ARSL: variants seen among roughly 807,000 people sequenced by gnomAD.
ARSL encodes the protein arylsulfatase E (chondrodysplasia punctata 1).
ARSL carries 4 observed loss-of-function variants against 31.1 expected under a neutral mutation model. The observed-to-expected ratio is 0.13, with a 90% CI of 0.06 to 0.29. The LOEUF (loss-of-function observed/expected upper bound fraction) is 0.29, where lower values mean the gene tolerates loss of function less well. ARSL is among the 10% of genes least tolerant of loss of function. ARSL has a pLI of 1.00. For missense variants in ARSL, 312 were observed against 497.8 expected, an observed-to-expected ratio of 0.63 and a Z score of 3.55; for synonymous variants, 198 against 209.9, an observed-to-expected ratio of 0.94 and a Z score of 0.49.
Position 2,938,307 on chromosome X carries a change from G to A in ARSL, c.1127-50C>T, listed in dbSNP as rs1170393074. 4.2e-6 allele frequency: 5 copies of A among 1,184,592 alleles called. No individual in the cohort carries two copies. In the East Asian group the frequency reaches 1.2e-4, roughly 29 times the overall value. ...AAGTGGTTAAAAACCAGAAATAGAT[G>A]CTCAGCCTGGCTGATTTAACTTTTC... is the stretch of plus-strand genomic sequence containing the variant. On this transcript the variant is annotated intron_variant, in intron 8 of 10. Coordinates refer to ENST00000381134, the MANE Select transcript of ARSL (RefSeq NM_000047.3).
intron 2 of ARSL, 151 bp from the exon 3 acceptor site, chrX:2,958,586 C>T: frequency 1.4e-6 from 1 of 737,731 alleles, no homozygotes; most frequent in Non-Finnish European, 2.0e-6. Context: ...TTGTTTTTCT[C>T]TGGTTACAAT....
chrX:2,950,827 A>C (rs2089451180), intron 5 of ARSL, among the ~76,000 whole-genome samples: 1 of 111,370 alleles, frequency 9.0e-6, no homozygotes, highest in Non-Finnish European at 1.9e-5. Context: ...AGAAGAGGAT[A>C]GTAGGACACA....
chrX:2,961,780 G>A (rs1253839786), intron 1 of ARSL, among the ~76,000 whole-genome samples: 4 of 109,917 alleles, frequency 3.6e-5, no homozygotes, highest in South Asian at 3.9e-4. Flanking sequence ...AAGGGCAGCC[G>A]CTACAAGACT....
chrX:2,959,394 G>T (rs1294320447), intron 2 of ARSL, among the ~76,000 whole-genome samples: 1 of 111,658 alleles, frequency 9.0e-6, no homozygotes, highest in Non-Finnish European at 1.9e-5. Flanking sequence ...TTTCCGCAGG[G>T]GTTGGTGACA....
chrX:2,948,825 G>A (rs757293406), intron 6 of ARSL, among the ~76,000 whole-genome samples: 5 of 111,368 alleles, frequency 4.5e-5, no homozygotes. Flanking sequence ...CACAAGGCAA[G>A]TCACAGGGCT....
intron 7 of ARSL, among the ~76,000 whole-genome samples, chrX:2,944,948 A>G (rs1408542909): frequency 9.1e-6 from 1 of 110,235 alleles, no homozygotes; most frequent in Non-Finnish European, 1.9e-5. Flanking sequence ...GAAGAAGAGG[A>G]AGAAGTGGAA....
chrX:2,949,812 ACT>A (rs2089438666), intron 5 of ARSL, 85 bp from the exon 6 acceptor site: 1 of 1,011,076 alleles, frequency 9.9e-7, no homozygotes, highest in Non-Finnish European at 1.4e-6. Context: ...CATTCCTGAT[ACT>A]CTGTTAGACA....
intron 1 of ARSL, among the ~76,000 whole-genome samples, chrX:2,962,287 A>G (rs773322710): frequency 1.8e-5 from 2 of 111,970 alleles, no homozygotes; most frequent in Non-Finnish European, 3.8e-5. Context: ...CAAATATTCT[A>G]CAGAGTTCGC....
chrX:2,961,035 C>A (rs2089624917), intron 1 of ARSL, among the ~76,000 whole-genome samples: 2 of 111,265 alleles, frequency 1.8e-5, no homozygotes, highest in South Asian at 7.6e-4. Flanking sequence ...GAAAACAGAA[C>A]TGGGAGTGTC....
At chrX:2,947,314 T>C (rs752653627) in intron 6 of ARSL, among the ~76,000 whole-genome samples, 23 of 112,929 alleles carry the variant, frequency 2.0e-4, no homozygotes, top group African/African-American at 6.4e-4. Context: ...ACATGACTTT[T>C]ATTTTGTTCA....
chrX:2,958,563 C>G, intron 2 of ARSL, 128 bp from the exon 3 acceptor site: 1 of 776,345 alleles, frequency 1.3e-6, no homozygotes, highest in Non-Finnish European at 1.9e-6. Context: ...GAGGACATCT[C>G]TTAGGCATTT....
chrX:2,961,038 G>C (rs752771937), intron 1 of ARSL, among the ~76,000 whole-genome samples: 5 of 111,447 alleles, frequency 4.5e-5, no homozygotes, highest in Middle Eastern at 4.6e-3. Flanking sequence ...AACAGAACTG[G>C]GAGTGTCAGT....
chrX:2,957,093 C>A, intron 3 of ARSL, among the ~76,000 whole-genome samples: 1 of 107,294 alleles, frequency 9.3e-6, no homozygotes, highest in Non-Finnish European at 1.9e-5. Flanking sequence ...TGGTGGTGGG[C>A]GCCTGTAGTC....
At chrX:2,943,791 C>T (rs1218936551) in intron 7 of ARSL, among the ~76,000 whole-genome samples, 1 of 99,077 alleles carries the variant, frequency 1.0e-5, no homozygotes, top group Non-Finnish European at 2.0e-5. Context: ...GTGAATATTC[C>T]TGAGAAGAAA....
At chrX:2,937,975 G>T in intron 9 of ARSL, 120 bp downstream of exon 9, 1 of 1,004,762 alleles carries the variant, frequency 1.0e-6, no homozygotes, top group Non-Finnish European at 1.4e-6. Flanking sequence ...CCCGACCCTC[G>T]GTTTGGTCGG....
intron 2 of ARSL, chrX:2,959,580 C>G (rs749679133): frequency 2.6e-6 from 3 of 1,135,699 alleles, no homozygotes; most frequent in Middle Eastern, 2.5e-4. Flanking sequence ...GACACCTGGC[C>G]GATGGTAGCG....
intron 6 of ARSL, among the ~76,000 whole-genome samples, chrX:2,946,505 ATTTTTTTTTTTT>A (rs139364080): frequency 6.6e-5 from 3 of 45,514 alleles, no homozygotes; most frequent in East Asian, 6.2e-4. Context: ...GGCCCAGCTA[ATTTTTTTTTTTT>A]TTTTTTTTTT....
intron 2 of ARSL, chrX:2,959,483 C>T (rs766612748): frequency 3.2e-6 from 3 of 942,574 alleles, no homozygotes; most frequent in South Asian, 2.7e-5. Context: ...GCCATAGTGT[C>T]CCAATCCCCA....
At chrX:2,960,247 C>G (rs746225049) in intron 2 of ARSL, 131 bp downstream of exon 2, 2 of 272,913 alleles carry the variant, frequency 7.3e-6, no homozygotes, top group East Asian at 5.6e-5. Flanking sequence ...CCAGCCTGGG[C>G]GACAGAGTGA....
Sources: allele counts gnomAD v4.1 joint callset (sites outside exome capture counted in the v4.1 genomes callset), GRCh38; gene constraint gnomAD v4.1.1; transcripts MANE v1.5; gene names NCBI Gene and HGNC (gene_info 2026-07-23, HGNC 2026-07-21).